The following PLXDC2 variants were observed in gnomAD, a reference collection of about 807,000 sequenced individuals.
PLXDC2 encodes plexin domain-containing protein 2.
In PLXDC2, 40 loss-of-function variants were observed where a neutral mutation model predicts 68.9. The observed-to-expected ratio is 0.58, with a 90% CI of 0.45 to 0.76. PLXDC2 has a LOEUF of 0.76. PLXDC2 is among the 30% of genes least tolerant of loss of function. The pLI is 0.00. For missense variants in PLXDC2, 644 were observed against 661.9 expected (o/e 0.97, Z 0.30); for synonymous variants, 243 against 234.2 (o/e 1.04, Z -0.34).
rs555616944 is a variant in PLXDC2 at position 20,155,212 on chromosome 10, A to G, written c.783+7310A>G. Among the ~76,000 whole-genome samples, 7 of 152,260 alleles carry G rather than the reference A, an allele frequency of 4.6e-5. No individual in the cohort carries two copies. In the East Asian group the frequency reaches 1.4e-3, roughly 29 times the overall value. ...TTTGAAGATTATTTCTCTTATTTAA[A>G]CTGTAATGACCCTTCACTCATGGTT... On this transcript the variant is annotated intron_variant, in intron 6 of 13. Coordinates refer to ENST00000377252, the MANE Select transcript of PLXDC2 (RefSeq NM_032812.9).
At chr10:19,915,415 C>G (rs1053846131) in intron 1 of PLXDC2, among the ~76,000 whole-genome samples, 4 of 152,104 alleles carry the variant, frequency 2.6e-5, no homozygotes, top group Non-Finnish European at 4.4e-5. Flanking sequence ...GATGTTTTAG[C>G]CATCTCACAT....
intron 6 of PLXDC2, among the ~76,000 whole-genome samples, chr10:20,149,178 G>C (rs1319793944): frequency 6.7e-6 from 1 of 148,958 alleles, no homozygotes; most frequent in African/African-American, 2.5e-5. Flanking sequence ...TTCTCGCCCA[G>C]GTACTAAGCC....
At chr10:20,224,385 C>G (rs1049179802) in intron 12 of PLXDC2, among the ~76,000 whole-genome samples, 1 of 152,060 alleles carries the variant, frequency 6.6e-6, no homozygotes, top group African/African-American at 2.4e-5. Context: ...ATTTTCAAAT[C>G]CTAGAAGTAG....
chr10:20,162,130 A>AGG (rs1834308342), intron 6 of PLXDC2, among the ~76,000 whole-genome samples: 1 of 147,918 alleles, frequency 6.8e-6, no homozygotes, highest in East Asian at 2.0e-4. Context: ...GAAGGAAGGA[A>AGG]AGAAAGAAGG....
chr10:20,177,557 G>A, intron 9 of PLXDC2, 148 bp downstream of exon 9: 1 of 308,052 alleles, frequency 3.2e-6, no homozygotes, highest in Non-Finnish European at 5.4e-6. Flanking sequence ...TTGAACCCAG[G>A]AGTTCAAGAT....
chr10:20,182,282 T>C (rs1834616381), intron 9 of PLXDC2, among the ~76,000 whole-genome samples: 1 of 151,960 alleles, frequency 6.6e-6, no homozygotes, highest in African/African-American at 2.4e-5. Context: ...GTAGCAACCA[T>C]TGATCTTCTT....
chr10:19,842,037 A>T (rs1432667710), intron 1 of PLXDC2, among the ~76,000 whole-genome samples: 1 of 152,084 alleles, frequency 6.6e-6, no homozygotes, highest in Non-Finnish European at 1.5e-5. Flanking sequence ...GCATTTAGGG[A>T]GGCCAAGGTG....
chr10:19,937,564 A>ATATATATATATATATT lies in PLXDC2; in HGVS notation c.113-64196_113-64195insTTATATATATATATAT, dbSNP rs1554846757. Among the ~76,000 whole-genome samples, 171 of 140,546 alleles carry ATATATATATATATATT rather than the reference A, an allele frequency of 1.2e-3. 2 individuals are homozygous for ATATATATATATATATT. Among genetic ancestry groups the ATATATATATATATATT allele is most frequent in the African/African-American group, 4.4e-3 (161 of 36,842 alleles). The allele number at this position is 140,546 out of a possible 152,430, so 92.2% of individuals were successfully genotyped here. A position where few individuals can be genotyped will look rare whatever the true frequency, so the allele number is the denominator to read the frequency against. ...TCAATGTATATATATATATATATAT[A>ATATATATATATATATT]TATATATATATATATATATTTGCAA... On this transcript the variant is annotated intron_variant, in intron 1 of 13. Transcript: ENST00000377252.
intron 12 of PLXDC2, among the ~76,000 whole-genome samples, chr10:20,240,963 G>T (rs1302004243): frequency 6.6e-6 from 1 of 151,996 alleles, no homozygotes; most frequent in African/African-American, 2.4e-5. Flanking sequence ...TATTTATTTT[G>T]TCTTCTGGTT....
chr10:19,876,288 T>G (rs1308983503), intron 1 of PLXDC2, among the ~76,000 whole-genome samples: 1 of 152,222 alleles, frequency 6.6e-6, no homozygotes, highest in Non-Finnish European at 1.5e-5. Context: ...TGCTTCAACA[T>G]TTCAAAACCT....
intron 4 of PLXDC2, among the ~76,000 whole-genome samples, chr10:20,090,756 G>C (rs1589624610): frequency 6.6e-6 from 1 of 152,080 alleles, no homozygotes; most frequent in South Asian, 2.1e-4. Context: ...ACATTACTTA[G>C]TTAGCTTATT....
intron 7 of PLXDC2, among the ~76,000 whole-genome samples, chr10:20,172,674 C>G (rs1321648980): frequency 6.6e-6 from 1 of 152,060 alleles, no homozygotes; most frequent in Admixed American, 6.6e-5. Flanking sequence ...GCAGGAAATG[C>G]AGCTGGTTTA....
At chr10:20,196,891 G>T (rs1437318516) in intron 9 of PLXDC2, among the ~76,000 whole-genome samples, 1 of 152,044 alleles carries the variant, frequency 6.6e-6, no homozygotes, top group Admixed American at 6.6e-5. Context: ...TAAAAGTGTT[G>T]GAAATCACTA....
chr10:20,232,373 A>G (rs1835376246), intron 12 of PLXDC2, among the ~76,000 whole-genome samples: 1 of 152,068 alleles, frequency 6.6e-6, no homozygotes. Context: ...TTTTAAAAAG[A>G]AAACATGTCC....
intron 1 of PLXDC2, among the ~76,000 whole-genome samples, chr10:19,843,671 A>C (rs570987803): frequency 4.8e-4 from 73 of 152,350 alleles, no homozygotes; most frequent in African/African-American, 1.6e-3. Context: ...GCAGGAACAG[A>C]AAGAAAGATC....
chr10:19,901,988 AT>A (rs1444642557), intron 1 of PLXDC2, among the ~76,000 whole-genome samples: 2 of 152,014 alleles, frequency 1.3e-5, no homozygotes, highest in African/African-American at 2.4e-5. Context: ...GGCTATAAGT[AT>A]TTGGCTTTAT....
At position 20,287,987 on chromosome 10, in the gene PLXDC2, G is replaced by GA. The variant is rs1836180889; in HGVS notation, c.*8168_*8169insA. 1.0e-5 allele frequency: 1 copy of GA among 99,832 alleles called. No homozygotes were observed. Among genetic ancestry groups the GA allele is most frequent in the Non-Finnish European group, 2.1e-5 (1 of 48,444 alleles). 6.2% of individuals were successfully genotyped at this position (99,832 alleles called of 1,614,324 possible). ...TTGGGCACTTCTTGCGGCGGGGGAG[G>GA]GGGGGGGGGCGGTGGCTTTCCAGAT... On this transcript the variant is annotated 3_prime_UTR_variant, in exon 14 of 14. Coordinates refer to ENST00000377252, the MANE Select transcript of PLXDC2 (RefSeq NM_032812.9).
chr10:20,284,330 T>TATATATATATATATATATATATAC lies in PLXDC2; in HGVS notation c.*4512_*4513insTATATATATATATATATATATACA, dbSNP rs1484131963. ...AAATATACATATATATATATATATA[T>TATATATATATATATATATATATAC]ACACACACACACACACACACACAAA... On this transcript the variant is annotated 3_prime_UTR_variant, in exon 14 of 14. Transcript: ENST00000377252. 1.3e-3 allele frequency: 170 copies of TATATATATATATATATATATATAC among 126,260 alleles called. No individual in the cohort carries two copies. The highest frequency in any genetic ancestry group is 1.7e-3 in the Non-Finnish European group (102 of 59,608). The allele number at this position is 126,260 out of a possible 1,614,324, so 7.8% of individuals were successfully genotyped here.
intron 7 of PLXDC2, among the ~76,000 whole-genome samples, chr10:20,169,532 G>T (rs961424135): frequency 1.3e-5 from 2 of 152,050 alleles, no homozygotes; most frequent in East Asian, 3.9e-4. Flanking sequence ...CTGGATACAC[G>T]CACGATTCTC....
Sources: allele counts gnomAD v4.1 joint callset (sites outside exome capture counted in the v4.1 genomes callset), GRCh38; gene constraint gnomAD v4.1.1; transcripts MANE v1.5; gene names NCBI Gene and HGNC (gene_info 2026-07-23, HGNC 2026-07-21).